SEC22C: variants seen among roughly 807,000 people sequenced by gnomAD.
SEC22C encodes the protein SEC22 homolog C, vesicle trafficking protein, also known as vesicle-trafficking protein SEC22c.
In SEC22C, 29 loss-of-function variants were observed where a neutral mutation model predicts 34.7. The observed-to-expected ratio is 0.84, with a 90% CI of 0.62 to 1.14. SEC22C has a LOEUF of 1.14. Among genes scored for constraint, SEC22C ranks in the 50% most tolerant of loss-of-function variants. SEC22C has a pLI of 0.00. For synonymous variants in SEC22C, 117 were observed against 132.8 expected (o/e 0.88, Z 0.82); for missense variants, 337 against 369.0 (o/e 0.91, Z 0.71).
At chr3:42,588,511 C>A (rs1704699657) in intron 1 of SEC22C, among the ~76,000 whole-genome samples, 1 of 152,184 alleles carries the variant, frequency 6.6e-6, no homozygotes, top group Non-Finnish European at 1.5e-5. Flanking sequence ...AGGTAAGATA[C>A]TTAATACCCA....
At chr3:42,597,646 T>C (rs1240928838) in intron 1 of SEC22C, among the ~76,000 whole-genome samples, 4 of 151,628 alleles carry the variant, frequency 2.6e-5, no homozygotes, top group African/African-American at 9.7e-5. Context: ...AGGGGCCACA[T>C]GTGGCCCAGG....
At chr3:42,576,234 A>G (rs570213402) in intron 1 of SEC22C, among the ~76,000 whole-genome samples, 4 of 152,236 alleles carry the variant, frequency 2.6e-5, no homozygotes, top group Admixed American at 2.0e-4. Context: ...ATAGCACTAA[A>G]TGCTTACATT....
At chr3:42,573,120 G>A (rs960329028) in intron 1 of SEC22C, among the ~76,000 whole-genome samples, 7 of 152,020 alleles carry the variant, frequency 4.6e-5, no homozygotes, top group Admixed American at 3.3e-4. Context: ...TCAAAGTGGC[G>A]GGATTATAGG....
chr3:42,562,504 C>G (rs1416236517), intron 3 of SEC22C, among the ~76,000 whole-genome samples: 1 of 152,194 alleles, frequency 6.6e-6, no homozygotes, highest in Non-Finnish European at 1.5e-5. Flanking sequence ...AGGGTGCTAG[C>G]CCCATTCCTG....
rs183804330 is a variant in SEC22C, at chr3:42,571,527, C to T, written c.-27-2454G>A. ...GGTTAAAAGATTTTATAGGCTGCCACGGAAGAGTATAAGAATGAAGACAAC... is the reference window on the plus strand; with the variant it reads ...GGTTAAAAGATTTTATAGGCTGCCATGGAAGAGTATAAGAATGAAGACAAC... On this transcript the variant is annotated intron_variant, in intron 1 of 6. Coordinates refer to ENST00000264454, the MANE Select transcript of SEC22C (RefSeq NM_032970.4). 7.5e-4 allele frequency among the ~76,000 whole-genome samples: 114 copies of T among 152,122 alleles called. 1 individual carries two copies. Among genetic ancestry groups the T allele is most frequent in the African/African-American group, 2.6e-3 (106 of 41,482 alleles).
chr3:42,563,571 T>C lies in SEC22C; in HGVS notation c.298A>G (p.Thr100Ala), dbSNP rs1287274839. The change falls in exon 3 of 7, where the codon ACT becomes GCT. Residue 100 changes from threonine to alanine, a missense_variant. By Grantham distance (58) the Thr-to-Ala change is moderately conservative (BLOSUM62 0). Coordinates refer to ENST00000264454, the MANE Select transcript of SEC22C (RefSeq NM_032970.4). ...CTGGAGGCTAGGCCAATGCAGGTAG[T>C]GTCATAGGAAGCTGTGAATTCCCAC... Reference protein sequence around the residue: ...LWWEFTASYDTTCIGLASRPY... With the variant: ...LWWEFTASYDATCIGLASRPY... 18 of 1,614,072 alleles carry C rather than the reference T, an allele frequency of 1.1e-5. No individual in the cohort carries two copies. Among genetic ancestry groups the C allele is most frequent in the Non-Finnish European group, 1.5e-5 (18 of 1,179,942 alleles).
At chr3:42,585,378 C>G (rs1420313575), upstream of SEC22C, among the ~76,000 whole-genome samples, 1 of 152,186 alleles carries the variant, frequency 6.6e-6, no homozygotes, top group Non-Finnish European at 1.5e-5. Context: ...CTCTTCCAGT[C>G]CTCTTCAGTC....
At chr3:42,570,074 C>T (rs1703522072) in intron 1 of SEC22C, among the ~76,000 whole-genome samples, 1 of 152,162 alleles carries the variant, frequency 6.6e-6, no homozygotes, top group South Asian at 2.1e-4. Flanking sequence ...TACTATCAGG[C>T]CCTTTACTTG....
chr3:42,582,530 A>G (rs1209673757), upstream of SEC22C, among the ~76,000 whole-genome samples: 1 of 152,268 alleles, frequency 6.6e-6, no homozygotes, highest in East Asian at 1.9e-4. Context: ...GAGTCCGTCC[A>G]TTTATTCATT....
At chr3:42,591,214 T>TTTTTTG in intron 1 of SEC22C, 1 of 593,376 alleles carries the variant, frequency 1.7e-6, no homozygotes, top group Admixed American at 3.0e-5. Context: ...TTTTTTTTTT[T>TTTTTTG]TTTGAGACGG....
rs998363363 is a variant in SEC22C at position 42,598,769 on chromosome 3, CAG to C, written c.-28+2189_-28+2190del. Among the ~76,000 whole-genome samples, 8 of 151,960 alleles carry C rather than the reference CAG, an allele frequency of 5.3e-5. 1 individual carries two copies. The highest frequency in any genetic ancestry group is 4.1e-4 in the South Asian group (2 of 4,832). ...AATGGGGAGTTACTGTTTAATAATA[CAG>C]AGTTTCAGTTTTGCAAGATGGAAAA... On this transcript the variant is annotated intron_variant, in intron 1 of 6. Transcript: ENST00000417572.
At position 42,548,998 on chromosome 3, in the gene SEC22C, C is replaced by T; in HGVS notation, c.*4250G>A. 9.5e-7 allele frequency: 1 copy of T among 1,054,188 alleles called. No homozygotes were observed. The allele number at this position is 1,054,188 out of a possible 1,614,324, so 65.3% of individuals were successfully genotyped here. On this transcript the variant is annotated 3_prime_UTR_variant, in exon 7 of 7. Coordinates refer to ENST00000264454, the MANE Select transcript of SEC22C (RefSeq NM_032970.4). ...TATCACCATTTACCAGATGAGGAAACTGAGGCCTGATGGGCAGTGATTTGT... is the reference window on the plus strand; with the variant it reads ...TATCACCATTTACCAGATGAGGAAATTGAGGCCTGATGGGCAGTGATTTGT...
At chr3:42,557,236 C>T (rs1419935345) in intron 5 of SEC22C, among the ~76,000 whole-genome samples, 1 of 152,112 alleles carries the variant, frequency 6.6e-6, no homozygotes, top group Non-Finnish European at 1.5e-5. Flanking sequence ...AGAACCTGAA[C>T]CTTAAAATCA....
In SEC22C at chr3:42,553,258, C is replaced by T. The variant is rs1702334445; in HGVS notation, c.902G>A (p.Cys301Tyr). ...ATCACAGTGTCATCCTCATACTCCACAGTCAGACTGCTTCTCCTGAAGCTG... is the reference window on the plus strand; with the variant it reads ...ATCACAGTGTCATCCTCATACTCCATAGTCAGACTGCTTCTCCTGAAGCTG... ...TRQLQEKQSDCGV is the reference protein window; with the variant it reads ...TRQLQEKQSDYGV The change falls in exon 7 of 7, where the codon TGT becomes TAT. Residue 301 changes from cysteine to tyrosine, a missense_variant. Cys to Tyr is a radical substitution (Grantham distance 194). Transcript: ENST00000264454. 1.9e-6 allele frequency: 3 copies of T among 1,614,030 alleles called. No individual in the cohort carries two copies. The highest frequency in any genetic ancestry group is 2.2e-5 in the East Asian group (1 of 44,902).
In SEC22C at chr3:42,563,539, G is replaced by C. The variant is rs146161491; in HGVS notation, c.330C>G (p.Tyr110Ter). Reference protein sequence around the residue: ...TTCIGLASRPYAFLEFDSIIQ... With the variant: ...TTCIGLASRP ...GTTACAAACCAAACTCAAGAAAAGCGTATGGCCTGGAGGCTAGGCCAATGC... is the reference window on the plus strand; with the variant it reads ...GTTACAAACCAAACTCAAGAAAAGCCTATGGCCTGGAGGCTAGGCCAATGC... The change falls in exon 3 of 7, where the codon TAC becomes TAG. Residue 110 changes from tyrosine to a stop codon, truncating the protein, a stop_gained. Coordinates refer to ENST00000264454, the MANE Select transcript of SEC22C (RefSeq NM_032970.4). LOFTEE classifies it high-confidence loss of function. 1 of 1,612,242 alleles carries C rather than the reference G, an allele frequency of 6.2e-7. No individual in the cohort carries two copies. The highest frequency in any genetic ancestry group is 1.7e-5 in the Admixed American group (1 of 59,560).
upstream of SEC22C, among the ~76,000 whole-genome samples, chr3:42,586,348 A>G (rs1373999501): frequency 6.6e-6 from 1 of 152,020 alleles, no homozygotes; most frequent in African/African-American, 2.4e-5. Flanking sequence ...TCAGCCTCCC[A>G]AGTAGCTGGG....
Position 42,548,687 on chromosome 3 carries a change from T to C in SEC22C, c.*4561A>G, listed in dbSNP as rs377557571. On this transcript the variant is annotated 3_prime_UTR_variant, in exon 7 of 7. Coordinates refer to ENST00000264454, the MANE Select transcript of SEC22C (RefSeq NM_032970.4). ...AATAAACCAAACATCAATGGTACCA[T>C]GCGCTCTGTGCCCAGGGAGTGAAAG... The C allele has an allele frequency of 3.1e-6, 5 of 1,613,916 alleles. No homozygotes were observed. Among genetic ancestry groups the C allele is most frequent in the South Asian group, 1.1e-5 (1 of 91,064 alleles).
chr3:42,548,778 G>T lies in SEC22C; in HGVS notation c.*4470C>A, dbSNP rs1355061868. The T allele has an allele frequency of 1.3e-6, 2 of 1,530,538 alleles. No homozygotes were observed. The highest frequency in any genetic ancestry group is 1.4e-5 in the African/African-American group (1 of 72,630). 94.8% of individuals were successfully genotyped at this position (1,530,538 alleles called of 1,614,324 possible). A position where few individuals can be genotyped will look rare whatever the true frequency, so the allele number is the denominator to read the frequency against. On this transcript the variant is annotated 3_prime_UTR_variant, in exon 7 of 7. Transcript: ENST00000264454. ...GAGTGAAAAAAATGAGGTTTACACT[G>T]TAGTATAACAAAATGCCTTTTTGTA... is the stretch of plus-strand genomic sequence containing the variant.
intron 1 of SEC22C, among the ~76,000 whole-genome samples, chr3:42,598,441 C>A (rs138480981): frequency 6.6e-6 from 1 of 151,652 alleles, no homozygotes; most frequent in South Asian, 2.1e-4. Flanking sequence ...GATTCTCCTG[C>A]GTCAGCCTCC....
Sources: allele counts gnomAD v4.1 joint callset (sites outside exome capture counted in the v4.1 genomes callset), GRCh38; gene constraint gnomAD v4.1.1; transcripts MANE v1.5; gene names NCBI Gene and HGNC (gene_info 2026-07-23, HGNC 2026-07-21).